Variants in DNPEP observed in about 807,000 individuals in gnomAD.
DNPEP encodes the protein aspartyl aminopeptidase.
Under a neutral mutation model 59.1 loss-of-function variants are expected in DNPEP, and 46 were observed. That is an observed-to-expected ratio of 0.78 (90% CI 0.61 to 0.99). DNPEP has a LOEUF of 0.99. Ranked by LOEUF, DNPEP falls within the 50% of genes least tolerant of loss-of-function variation. The pLI, the probability that DNPEP is intolerant of heterozygous loss-of-function variation, is 0.00. For synonymous variants in DNPEP, 229 were observed against 242.2 expected, an observed-to-expected ratio of 0.95 and a Z score of 0.50; for missense variants, 617 against 649.9, an observed-to-expected ratio of 0.95 and a Z score of 0.55.
rs1953232884 is a variant in DNPEP, at chr2:219,372,839, T to C, written c.*1453A>G. On this transcript the variant is annotated 3_prime_UTR_variant, in exon 15 of 15. Transcript: ENST00000273075. ...ATAGTGTATTTGGGCTTGCCTTTAC[T>C]GAGAAATCTTTAGATGAATTCTAAC... Among the ~76,000 whole-genome samples, 1 of 152,234 alleles carries C rather than the reference T, an allele frequency of 6.6e-6. No homozygotes were observed. The highest frequency in any genetic ancestry group is 2.1e-4 in the South Asian group (1 of 4,834).
At chr2:219,381,946 G>A (rs565597363) in intron 11 of DNPEP, 33 bp downstream of exon 11, 2 of 1,611,416 alleles carry the variant, frequency 1.2e-6, no homozygotes, top group Admixed American at 1.7e-5. Flanking sequence ...CTCCAGCTAT[G>A]TGAAGACTGT....
upstream of DNPEP, among the ~76,000 whole-genome samples, chr2:219,389,666 C>CA (rs1243290679): frequency 1.3e-5 from 2 of 151,838 alleles, no homozygotes; most frequent in African/African-American, 2.4e-5. Flanking sequence ...CCCGTCTCTA[C>CA]AAAAAATACA....
In DNPEP at chr2:219,387,807, C is replaced by T. The variant is rs778471993; in HGVS notation, c.-13G>A. 1.9e-6 allele frequency: 3 copies of T among 1,580,750 alleles called. No homozygotes were observed. The highest frequency in any genetic ancestry group is 1.4e-5 in the African/African-American group (1 of 72,310). Reference sequence around the variant, plus strand: ...TGTGTCCGCTCATCTGGCCTCCGGGCTCGGCCCGCCCCCACCGCGCCGCCT... The same window carrying T: ...TGTGTCCGCTCATCTGGCCTCCGGGTTCGGCCCGCCCCCACCGCGCCGCCT... On this transcript the variant is annotated 5_prime_UTR_variant, in exon 1 of 15. Transcript: ENST00000273075.
At chr2:219,391,891 A>G (rs986621425), upstream of DNPEP, among the ~76,000 whole-genome samples, 1 of 151,200 alleles carries the variant, frequency 6.6e-6, no homozygotes, top group East Asian at 1.9e-4. Context: ...AAAAAAGGTC[A>G]GTCTTTAGGA....
At chr2:219,375,877 T>A (rs1953352648) in intron 13 of DNPEP, among the ~76,000 whole-genome samples, 3 of 152,144 alleles carry the variant, frequency 2.0e-5, no homozygotes. Flanking sequence ...AAATATGTAC[T>A]TTTTTCTTGC....
chr2:219,385,824 TC>T, intron 6 of DNPEP, 118 bp from the exon 7 acceptor site: 1 of 1,433,848 alleles, frequency 7.0e-7, no homozygotes, highest in Non-Finnish European at 9.5e-7. Context: ...CCCAGCCCAC[TC>T]CCCAAATCAC....
intron 1 of DNPEP, 79 bp from the exon 2 acceptor site, chr2:219,387,242 C>A: frequency 6.6e-7 from 1 of 1,526,510 alleles, no homozygotes; most frequent in Non-Finnish European, 8.8e-7. Context: ...ATTCTCCCAT[C>A]CCCACCCCCA....
At chr2:219,393,427 G>A (rs926095330), upstream of DNPEP, among the ~76,000 whole-genome samples, 3 of 152,084 alleles carry the variant, frequency 2.0e-5, no homozygotes, top group African/African-American at 7.3e-5. Context: ...TTACAAGCAT[G>A]AGCCACCATG....
Position 219,373,645 on chromosome 2 carries a change from G to A in DNPEP, c.*647C>T, listed in dbSNP as rs1269777155. The A allele has an allele frequency of 3.9e-5, 6 of 152,298 alleles. No homozygotes were observed. Among genetic ancestry groups the A allele is most frequent in the African/African-American group, 1.4e-4 (6 of 41,454 alleles). 9.4% of individuals were successfully genotyped at this position (152,298 alleles called of 1,614,324 possible). Reference sequence around the variant, plus strand: ...CTCCCAAAATGCTGGGAATACAGATGTGAGCCGCTGCACCCGGCCAGACTT... The same window carrying A: ...CTCCCAAAATGCTGGGAATACAGATATGAGCCGCTGCACCCGGCCAGACTT... On this transcript the variant is annotated 3_prime_UTR_variant, in exon 15 of 15. Coordinates refer to ENST00000273075, the MANE Select transcript of DNPEP (RefSeq NM_012100.4).
intron 5 of DNPEP, 52 bp downstream of exon 5, chr2:219,386,234 G>A: frequency 1.2e-6 from 2 of 1,613,164 alleles, no homozygotes; most frequent in South Asian, 1.1e-5. Flanking sequence ...CCTGAGGAGT[G>A]TGGCAGTCAG....
chr2:219,388,970 A>G (rs1953965314), upstream of DNPEP: 1 of 672,242 alleles, frequency 1.5e-6, no homozygotes, highest in African/African-American at 2.0e-5. Flanking sequence ...TTTGAACTCC[A>G]TCAGTTTGAT....
At chr2:219,391,019 C>G (rs1444113238), upstream of DNPEP, among the ~76,000 whole-genome samples, 1 of 152,122 alleles carries the variant, frequency 6.6e-6, no homozygotes, top group African/African-American at 2.4e-5. Context: ...CAACCTGTTC[C>G]AGGAATGACT....
chr2:219,385,285 G>T, intron 8 of DNPEP, 139 bp downstream of exon 8: 1 of 613,194 alleles, frequency 1.6e-6, no homozygotes. Context: ...GAAGCAGTGG[G>T]GGATGTGTCT....
chr2:219,379,250 GA>G (rs561225315), intron 13 of DNPEP, among the ~76,000 whole-genome samples: 2,121 of 136,252 alleles, frequency 0.016, 14 homozygotes, highest in Non-Finnish European at 0.023. Flanking sequence ...CTACTTATTA[GA>G]AAAAAAAAAA....
upstream of DNPEP, chr2:219,387,980 C>T: frequency 1.5e-6 from 2 of 1,303,090 alleles, no homozygotes; most frequent in Non-Finnish European, 2.0e-6. Context: ...CGGCATCCGC[C>T]CCGCCCACCT....
intron 1 of DNPEP, among the ~76,000 whole-genome samples, chr2:219,396,750 G>A (rs1954103400): frequency 1.3e-5 from 2 of 152,020 alleles, no homozygotes; most frequent in African/African-American, 2.4e-5. Flanking sequence ...CAAACCCTAC[G>A]CACACACATT....
intron 10 of DNPEP, 116 bp from the exon 11 acceptor site, chr2:219,382,255 T>G: frequency 1.7e-6 from 2 of 1,186,600 alleles, no homozygotes; most frequent in Non-Finnish European, 2.3e-6. Flanking sequence ...CACTGGGTGT[T>G]CTTAGCAACA....
chr2:219,380,657 G>A (rs1234041820), intron 13 of DNPEP, among the ~76,000 whole-genome samples: 1 of 152,080 alleles, frequency 6.6e-6, no homozygotes, highest in Non-Finnish European at 1.5e-5. Context: ...TGTGCAGCAG[G>A]CTGTCCGTCT....
intron 1 of DNPEP, chr2:219,387,474 C>T (rs1953899140): frequency 7.0e-7 from 1 of 1,432,502 alleles, no homozygotes; most frequent in Admixed American, 2.9e-5. Flanking sequence ...GGATCCCAAG[C>T]GGGCCCCATA....
Sources: gnomAD v4.1 joint callset for allele counts (sites outside exome capture counted in the v4.1 genomes callset) on GRCh38, gnomAD v4.1.1 for gene constraint, MANE v1.5 for transcripts, NCBI Gene and HGNC (gene_info 2026-07-23, HGNC 2026-07-21) for gene names.